The following TBL1X variants were observed in gnomAD, a reference collection of about 807,000 sequenced individuals.
The protein encoded by TBL1X is transducin beta like 1 X-linked.
A neutral mutation model predicts 50.7 loss-of-function variants in TBL1X; 10 were observed. That is an observed-to-expected ratio of 0.20 (90% CI 0.12 to 0.33). The LOEUF (loss-of-function observed/expected upper bound fraction) is 0.33. Ranked by LOEUF, TBL1X falls within the 10% of genes least tolerant of loss-of-function variation. TBL1X has a pLI of 1.00. For missense variants in TBL1X, 340 were observed against 504.4 expected (o/e 0.67, Z 3.12); for synonymous variants, 190 against 214.7 (o/e 0.88, Z 1.01).
chrX:9,501,606 G>A (rs2082001932), intron 1 of TBL1X, among the ~76,000 whole-genome samples, 174 bp from the exon 2 acceptor site: 2 of 111,768 alleles, frequency 1.8e-5, no homozygotes, highest in Non-Finnish European at 3.8e-5. Context: ...TGACAAGGAA[G>A]GGACTTTGAG....
intron 2 of TBL1X, among the ~76,000 whole-genome samples, chrX:9,514,341 T>TC (rs386416602): frequency 9.0e-6 from 1 of 110,537 alleles, no homozygotes; most frequent in African/African-American, 3.3e-5. Context: ...AGTGTTTTTT[T>TC]TTTAATTTGC....
chrX:9,668,701 G>C (rs759195549), intron 5 of TBL1X, among the ~76,000 whole-genome samples: 3 of 112,269 alleles, frequency 2.7e-5, no homozygotes, highest in African/African-American at 9.7e-5. Flanking sequence ...CCAAGGCTTT[G>C]ACTGGAATGG....
At chrX:9,689,647 A>G (rs1009429069) in intron 7 of TBL1X, among the ~76,000 whole-genome samples, 2 of 111,846 alleles carry the variant, frequency 1.8e-5, no homozygotes, top group African/African-American at 6.5e-5. Context: ...AGCCCAGTCT[A>G]TGGAGACAGG....
In TBL1X at chrX:9,688,090, A is replaced by G. The variant is rs1174768620; in HGVS notation, c.431A>G (p.Gln144Arg). 6 of 1,211,528 alleles carry G rather than the reference A, an allele frequency of 5.0e-6. No homozygotes were observed. The highest frequency in any genetic ancestry group is 4.6e-4 in the Middle Eastern group (2 of 4,353). The change falls in exon 7 of 18, where the codon CAG (glutamine) becomes CGG (arginine). Residue 144 changes from glutamine (Q) to arginine (R), a missense_variant. Gln to Arg is a conservative substitution (Grantham distance 43). Around this residue, in one of 6 missense-constraint regions of TBL1X, gnomAD observed 99 missense variants for 93.3 expected, o/e 1.06. Coordinates refer to ENST00000645353, the MANE Select transcript of TBL1X (RefSeq NM_005647.4). The part of the protein sequence containing the change: ...LIDAVMPDVV[Q>R]TRQQAFREKL... ...GACGCCGTGATGCCCGACGTGGTGC[A>G]GACGCGGCAGCAGGCATTCCGAGAG...
intron 2 of TBL1X, among the ~76,000 whole-genome samples, chrX:9,626,577 C>T (rs2082694107): frequency 8.9e-6 from 1 of 112,241 alleles, no homozygotes; most frequent in South Asian, 3.7e-4. Flanking sequence ...TTTAATGAAA[C>T]AATAGATTTC....
intron 5 of TBL1X, among the ~76,000 whole-genome samples, chrX:9,662,248 T>C (rs2082902948): frequency 9.0e-6 from 1 of 111,544 alleles, no homozygotes; most frequent in Non-Finnish European, 1.9e-5. Flanking sequence ...CTTCCAAGAC[T>C]GACCTCACAC....
chrX:9,671,454 G>A (rs149226358), intron 5 of TBL1X, among the ~76,000 whole-genome samples: 1,574 of 113,118 alleles, frequency 0.014, 35 homozygotes, highest in African/African-American at 0.048. Context: ...AGAATACAAG[G>A]CTATCCACAC....
intron 3 of TBL1X, among the ~76,000 whole-genome samples, chrX:9,647,159 A>C (rs2082809292): frequency 9.0e-6 from 1 of 111,699 alleles, no homozygotes; most frequent in South Asian, 3.8e-4. Context: ...TTGTGAAGGG[A>C]ACTGCGAATT....
intron 2 of TBL1X, among the ~76,000 whole-genome samples, chrX:9,596,670 A>G (rs1005052052): frequency 1.8e-5 from 2 of 111,324 alleles, no homozygotes; most frequent in African/African-American, 6.5e-5. Flanking sequence ...TGGGGGGCAT[A>G]ATCACCCCTA....
chrX:9,545,961 G>C (rs1208817409), intron 2 of TBL1X, among the ~76,000 whole-genome samples: 2 of 111,614 alleles, frequency 1.8e-5, no homozygotes, highest in Non-Finnish European at 3.8e-5. Context: ...GAGTGATGTT[G>C]AACAGTTTTG....
chrX:9,534,136 T>A (rs939727888), intron 2 of TBL1X, among the ~76,000 whole-genome samples: 11 of 111,865 alleles, frequency 9.8e-5, no homozygotes, highest in African/African-American at 3.6e-4. Flanking sequence ...CACTAAAGAC[T>A]AGCCAGAGAG....
At chrX:9,587,369 G>C (rs2082475758) in intron 2 of TBL1X, among the ~76,000 whole-genome samples, 1 of 112,162 alleles carries the variant, frequency 8.9e-6, no homozygotes, top group Non-Finnish European at 1.9e-5. Flanking sequence ...TGGGGCCCCT[G>C]CTGTGACCCA....
At chrX:9,590,364 T>TG (rs1488580577) in intron 2 of TBL1X, among the ~76,000 whole-genome samples, 1 of 88,918 alleles carries the variant, frequency 1.1e-5, no homozygotes, top group Non-Finnish European at 2.2e-5. Flanking sequence ...GATTAAAAGT[T>TG]TTTTTTTTTA....
chrX:9,699,141 C>A (rs1277044477), intron 12 of TBL1X, among the ~76,000 whole-genome samples: 2 of 111,409 alleles, frequency 1.8e-5, no homozygotes, highest in Non-Finnish European at 3.8e-5. Flanking sequence ...CCACCAAGCC[C>A]AGCTAATTTT....
intron 1 of TBL1X, among the ~76,000 whole-genome samples, chrX:9,491,332 ATATATATTT>A (rs1280102560): frequency 8.6e-5 from 2 of 23,184 alleles, no homozygotes; most frequent in African/African-American, 3.6e-4. Flanking sequence ...ATATATATAT[ATATATATTT>A]TTTTTTTTTT....
chrX:9,678,520 TGTAA>T (rs1357853137), intron 5 of TBL1X, among the ~76,000 whole-genome samples: 2 of 112,860 alleles, frequency 1.8e-5, no homozygotes, highest in Admixed American at 1.9e-4. Context: ...TTTGGATAGC[TGTAA>T]GTATTACAAG....
rs777114549 is a variant in TBL1X, at chrX:9,473,386, A to G, written c.-201+7939A>G. 7.1e-5 allele frequency among the ~76,000 whole-genome samples: 8 copies of G among 112,179 alleles called. No individual in the cohort carries two copies. In the South Asian group the frequency reaches 2.9e-3, roughly 41 times the overall value. ...GATAAAAACTCAAGAATTCAAAATT[A>G]TAAACTTGAAAACAGCAATTGCCAA... is the stretch of plus-strand genomic sequence containing the variant. On this transcript the variant is annotated intron_variant, in intron 1 of 17. Transcript: ENST00000645353.
At chrX:9,679,099 A>G (rs1218661278) in intron 5 of TBL1X, among the ~76,000 whole-genome samples, 1 of 108,194 alleles carries the variant, frequency 9.2e-6, no homozygotes, top group Non-Finnish European at 1.9e-5. Flanking sequence ...TATGTTATCT[A>G]AGGTCTATGA....
chrX:9,698,203 C>T (rs891144083), intron 12 of TBL1X, among the ~76,000 whole-genome samples: 2 of 111,185 alleles, frequency 1.8e-5, no homozygotes, highest in African/African-American at 3.3e-5. Context: ...GAGATGACCT[C>T]GGCACCCACC....
Sources: gnomAD v4.1 joint callset for allele counts (sites outside exome capture counted in the v4.1 genomes callset) on GRCh38, gnomAD v4.1.1 for gene constraint, gnomAD v4.1.1 regional missense constraint, MANE v1.5 for transcripts, NCBI Gene and HGNC (gene_info 2026-07-23, HGNC 2026-07-21) for gene names.